The following HFM1 variants were observed in gnomAD, a reference collection of about 807,000 sequenced individuals.
The protein encoded by HFM1 is helicase for meiosis 1.
In HFM1, 169 loss-of-function variants were observed where a neutral mutation model predicts 192.1. The ratio of observed to expected loss-of-function variants is 0.88; its 90% CI spans 0.78 to 1.00. The LOEUF (loss-of-function observed/expected upper bound fraction) is 1.00, where lower values mean the gene tolerates loss of function less well. Ranked by LOEUF, HFM1 falls within the 50% of genes least tolerant of loss-of-function variation. The pLI is 0.00. For synonymous variants in HFM1, 525 were observed against 537.8 expected (o/e 0.98, Z 0.33); for missense variants, 1,661 against 1,668.0 (o/e 1.00, Z 0.07).
At chr1:91,391,467 T>C (rs1662983142) in intron 4 of HFM1, among the ~76,000 whole-genome samples, 1 of 152,218 alleles carries the variant, frequency 6.6e-6, no homozygotes, top group South Asian at 2.1e-4. Flanking sequence ...AACCATCTGA[T>C]CTTTGACAAA....
rs370338028 is a variant in HFM1, at chr1:91,267,765, G to T, written c.3863C>A (p.Thr1288Asn). Residue 1288 changes from threonine to asparagine, a missense_variant, in exon 35 of 39, where the codon ACT becomes AAT. By Grantham distance (65) the Thr-to-Asn change is moderately conservative. Coordinates refer to ENST00000370425, the MANE Select transcript of HFM1 (RefSeq NM_001017975.6). The part of the protein sequence containing the change: ...NLEVTSFSTD[T>N]EKTKISGFGN... ...TTTACCTGATATTTTTGTCTTCTCA[G>T]TATCAGTTGAAAAGCTAGTAACTTC... 14 of 1,506,014 alleles carry T rather than the reference G, an allele frequency of 9.3e-6. No homozygotes were observed. The highest frequency in any genetic ancestry group is 3.4e-4 in the Middle Eastern group (2 of 5,838). The allele number at this position is 1,506,014 out of a possible 1,614,324, so 93.3% of individuals were successfully genotyped here.
chr1:91,334,180 C>T (rs1318912876), intron 20 of HFM1, among the ~76,000 whole-genome samples: 1 of 152,068 alleles, frequency 6.6e-6, no homozygotes, highest in African/African-American at 2.4e-5. Context: ...ATTATGAGTC[C>T]TGATCAGACT....
chr1:91,312,784 G>C (rs558211365), intron 30 of HFM1, among the ~76,000 whole-genome samples: 1 of 152,240 alleles, frequency 6.6e-6, no homozygotes, highest in Non-Finnish European at 1.5e-5. Context: ...TGGTTTGGCT[G>C]TGTCCCCACC....
chr1:91,368,218 C>A (rs993944985), intron 13 of HFM1, among the ~76,000 whole-genome samples: 5 of 152,052 alleles, frequency 3.3e-5, no homozygotes, highest in African/African-American at 1.2e-4. Flanking sequence ...CAAGGCAGGC[C>A]AACATTCAAA....
At position 91,353,652 on chromosome 1, in the gene HFM1, C is replaced by CCAAAAAAAAAAAAA. The variant is rs1553213573; in HGVS notation, c.1686-354_1686-353insTTTTTTTTTTTTTG. Among the ~76,000 whole-genome samples, 2 of 65,436 alleles carry CCAAAAAAAAAAAAA rather than the reference C, an allele frequency of 3.1e-5. 1 individual carries two copies. The highest frequency in any genetic ancestry group is 1.0e-4 in the African/African-American group (2 of 19,620). 42.9% of individuals were successfully genotyped at this position (65,436 alleles called of 152,430 possible). ...AACTACTATATTACTAGTAAATAAG[C>CCAAAAAAAAAAAAA]AAAAAAAAAAAAAAAAAAAACATGG... On this transcript the variant is annotated intron_variant, in intron 13 of 38. Coordinates refer to ENST00000370425, the MANE Select transcript of HFM1 (RefSeq NM_001017975.6).
chr1:91,369,593 T>C (rs1659880650), intron 13 of HFM1, among the ~76,000 whole-genome samples: 2 of 152,102 alleles, frequency 1.3e-5, no homozygotes, highest in Admixed American at 1.3e-4. Context: ...TTCAAAACAG[T>C]GTGTAGAGGG....
At chr1:91,352,963 C>A in intron 15 of HFM1, 88 bp downstream of exon 15, 6 of 794,208 alleles carry the variant, frequency 7.6e-6, no homozygotes, top group Non-Finnish European at 1.2e-5. Context: ...CAGAAACAAG[C>A]AGAACACTTG....
intron 30 of HFM1, among the ~76,000 whole-genome samples, chr1:91,289,347 G>A (rs955319518): frequency 6.0e-5 from 9 of 150,044 alleles, no homozygotes; most frequent in Non-Finnish European, 1.2e-4. Flanking sequence ...ACGGGATGAC[G>A]GCCAGGAAGA....
intron 30 of HFM1, among the ~76,000 whole-genome samples, chr1:91,310,045 A>G (rs950467073): frequency 3.9e-5 from 6 of 152,008 alleles, no homozygotes; most frequent in Non-Finnish European, 8.8e-5. Flanking sequence ...AAGCTGTCAA[A>G]TCTACTAGAA....
intron 20 of HFM1, among the ~76,000 whole-genome samples, chr1:91,340,184 A>AT (rs548438363): frequency 2.7e-3 from 414 of 152,136 alleles, no homozygotes; most frequent in African/African-American, 9.3e-3. Context: ...TTTTAGAAAA[A>AT]TTTTTTGTAG....
rs1428768779 is a variant in HFM1, at chr1:91,404,781, C to T, written c.-28+17G>A. ...CGTCCCCACCTTCCCCGCGGGCGTC[C>T]GGGCCCCTCTCCTCACCTCCCTGCG... is the stretch of plus-strand genomic sequence containing the variant. On this transcript the variant is annotated intron_variant, in intron 1 of 38. Coordinates refer to ENST00000370425, the MANE Select transcript of HFM1 (RefSeq NM_001017975.6). The T allele has an allele frequency of 9.0e-6, 4 of 445,744 alleles. No individual in the cohort carries two copies. Among genetic ancestry groups the T allele is most frequent in the Admixed American group, 2.4e-5 (1 of 41,448 alleles). 27.6% of individuals were successfully genotyped at this position (445,744 alleles called of 1,614,324 possible).
Position 91,353,239 on chromosome 1 carries a change from A to G in HFM1, c.1729+17T>C. ...CTATATGTGAAAATGCTATTCAAAA[A>G]TTATCTCTAAACCTACCTCTCAGTT... On this transcript the variant is annotated intron_variant, in intron 14 of 38. Transcript: ENST00000370425. 3.2e-6 allele frequency: 5 copies of G among 1,583,668 alleles called. No individual in the cohort carries two copies. The East Asian group carries it at 1.1e-4, about 36-fold the overall frequency.
intron 13 of HFM1, 85 bp downstream of exon 13, chr1:91,375,273 G>T: frequency 1.1e-6 from 1 of 896,736 alleles, no homozygotes; most frequent in Non-Finnish European, 1.8e-6. Flanking sequence ...TTACCCCAAG[G>T]TTATGGGACA....
At chr1:91,300,736 C>A (rs380600) in intron 30 of HFM1, among the ~76,000 whole-genome samples, 85,442 of 151,926 alleles carry the variant, frequency 0.56, 25,046 homozygotes, top group African/African-American at 0.73. Context: ...ATTCAACAAC[C>A]CTTCATGCTA....
rs529843525 is a variant in HFM1 at position 91,354,507 on chromosome 1, G to A, written c.1686-1208C>T. On this transcript the variant is annotated intron_variant, in intron 13 of 38. Coordinates refer to ENST00000370425, the MANE Select transcript of HFM1 (RefSeq NM_001017975.6). ...CATGAATCTCAAAATCACCAAACACGTTCAAACCCAAAAAGGTCCTCACTG... is the reference window on the plus strand; with the variant it reads ...CATGAATCTCAAAATCACCAAACACATTCAAACCCAAAAAGGTCCTCACTG... 4.6e-5 allele frequency among the ~76,000 whole-genome samples: 7 copies of A among 152,082 alleles called. No individual in the cohort carries two copies. The South Asian group carries it at 6.2e-4, about 14-fold the overall frequency.
chr1:91,385,028 C>A (rs1662019349), intron 6 of HFM1, among the ~76,000 whole-genome samples, 159 bp downstream of exon 6: 1 of 152,102 alleles, frequency 6.6e-6, no homozygotes, highest in Non-Finnish European at 1.5e-5. Context: ...CAGGTGTGAA[C>A]CACCGCACCC....
chr1:91,310,738 T>C (rs1330500850), intron 30 of HFM1, among the ~76,000 whole-genome samples: 2 of 152,208 alleles, frequency 1.3e-5, no homozygotes, highest in Non-Finnish European at 2.9e-5. Flanking sequence ...CTGCTTTTGC[T>C]TCTTCCTCAT....
At position 91,394,112 on chromosome 1, in the gene HFM1, T is replaced by C; in HGVS notation, c.475A>G (p.Thr159Ala). Residue 159 changes from threonine to alanine, a missense_variant, in exon 4 of 39, where the codon ACA (threonine) becomes GCA (alanine). Transcript: ENST00000370425. ...VNFAEDKGES[T>A]SVFRKRLFKI... ...AATTACCTTTTCCGGAATACTGATG[T>C]GCTCTCTCCTTTATCTTCTGCAAAA... The C allele has an allele frequency of 1.3e-6, 2 of 1,569,948 alleles. No homozygotes were observed. Among genetic ancestry groups the C allele is most frequent in the Non-Finnish European group, 1.7e-6 (2 of 1,150,562 alleles).
intron 20 of HFM1, among the ~76,000 whole-genome samples, chr1:91,332,534 A>T (rs1029912926): frequency 6.6e-6 from 1 of 152,212 alleles, no homozygotes; most frequent in Non-Finnish European, 1.5e-5. Context: ...TCTCCAGGTC[A>T]TTGGTCTGGG....
Sources: allele counts gnomAD v4.1 joint callset (sites outside exome capture counted in the v4.1 genomes callset), GRCh38; gene constraint gnomAD v4.1.1; transcripts MANE v1.5; gene names NCBI Gene and HGNC (gene_info 2026-07-23, HGNC 2026-07-21).